AGPAT5: variants seen among roughly 807,000 people sequenced by gnomAD.
AGPAT5 encodes the protein 1-acyl-sn-glycerol-3-phosphate acyltransferase epsilon.
In AGPAT5, 46 loss-of-function variants were observed where a neutral mutation model predicts 45.6. The observed-to-expected ratio is 1.01, with a 90% CI of 0.80 to 1.29. The LOEUF is 1.29. AGPAT5 is among the 50% of genes most tolerant of loss of function. The pLI, the probability that AGPAT5 is intolerant of heterozygous loss-of-function variation, is 0.00. For missense variants in AGPAT5, 673 were observed against 450.7 expected (o/e 1.49, Z -4.47); for synonymous variants, 272 against 167.0 (o/e 1.63, Z -4.85).
rs938403947 is a variant in AGPAT5 at position 6,759,873 on chromosome 8, A to G, written c.*2485A>G. Among the ~76,000 whole-genome samples, 13 of 152,230 alleles carry G rather than the reference A, an allele frequency of 8.5e-5. No homozygotes were observed. The highest frequency in any genetic ancestry group is 3.1e-4 in the African/African-American group (13 of 41,462). On this transcript the variant is annotated 3_prime_UTR_variant, in exon 8 of 8. Transcript: ENST00000285518. ...AATTCATCTGCAATTTATAAGATGCATGGCCGATGTTAATTTGCTTGGCAA... is the reference window on the plus strand; with the variant it reads ...AATTCATCTGCAATTTATAAGATGCGTGGCCGATGTTAATTTGCTTGGCAA...
At chr8:6,714,787 A>G (rs1161676003) in intron 1 of AGPAT5, among the ~76,000 whole-genome samples, 6 of 152,218 alleles carry the variant, frequency 3.9e-5, no homozygotes, top group Non-Finnish European at 7.3e-5. Context: ...ATATACCTGC[A>G]TACCTATGGG....
chr8:6,714,845 G>A lies in AGPAT5; in HGVS notation c.219+5958G>A, dbSNP rs1017036279. Among the ~76,000 whole-genome samples, 7 of 152,196 alleles carry A rather than the reference G, an allele frequency of 4.6e-5. No individual in the cohort carries two copies. In the South Asian group the frequency reaches 8.3e-4, roughly 18 times the overall value. On this transcript the variant is annotated intron_variant, in intron 1 of 7. Coordinates refer to ENST00000285518, the MANE Select transcript of AGPAT5 (RefSeq NM_018361.5). ...GGAAGGCACGGGAAAACAGCACTCC[G>A]TATATACCTAGTTTACTTTCCCTCT...
chr8:6,747,666 C>G lies in AGPAT5; in HGVS notation c.587-4C>G. ...ATTAATGACGGCACTGAATTGACTT[C>G]TAGGCCTTGCAGTATTAAAACATGT... On this transcript the variant is annotated splice_polypyrimidine_tract_variant and splice_region_variant and intron_variant, in intron 5 of 7. Transcript: ENST00000285518. 6.2e-7 allele frequency: 1 copy of G among 1,610,594 alleles called. No homozygotes were observed. Among genetic ancestry groups the G allele is most frequent in the Non-Finnish European group, 8.5e-7 (1 of 1,177,474 alleles).
intron 2 of AGPAT5, 21 bp from the exon 3 acceptor site, chr8:6,730,689 TA>T: frequency 6.4e-7 from 1 of 1,566,486 alleles, no homozygotes; most frequent in Non-Finnish European, 8.8e-7. Flanking sequence ...ATGTACGCGC[TA>T]ACTGGGTCCT....
At chr8:6,742,751 A>ATATGACATCATTTGTGTATCATTTGTG (rs1801281586) in intron 5 of AGPAT5, among the ~76,000 whole-genome samples, 1 of 152,238 alleles carries the variant, frequency 6.6e-6, no homozygotes, top group Non-Finnish European at 1.5e-5. Flanking sequence ...TGTCATAGGT[A>ATATGACATCATTTGTGTATCATTTGTG]TATGACATCA....
intron 1 of AGPAT5, among the ~76,000 whole-genome samples, chr8:6,712,146 C>G (rs932099776): frequency 6.6e-6 from 1 of 152,090 alleles, no homozygotes; most frequent in Non-Finnish European, 1.5e-5. Flanking sequence ...GCATTTTGGT[C>G]TCTGCTTTCT....
At chr8:6,715,056 C>T (rs1286624122) in intron 1 of AGPAT5, among the ~76,000 whole-genome samples, 1 of 152,134 alleles carries the variant, frequency 6.6e-6, no homozygotes, top group Non-Finnish European at 1.5e-5. Flanking sequence ...TCCCTTAATT[C>T]CTGCAATATT....
intron 1 of AGPAT5, among the ~76,000 whole-genome samples, chr8:6,721,568 C>G (rs999564576): frequency 1.3e-4 from 20 of 152,206 alleles, no homozygotes; most frequent in African/African-American, 4.6e-4. Flanking sequence ...ACTCATTTTA[C>G]AGGCAAAGAA....
intron 2 of AGPAT5, among the ~76,000 whole-genome samples, chr8:6,727,122 G>A (rs1045173568): frequency 2.0e-5 from 3 of 152,164 alleles, no homozygotes; most frequent in African/African-American, 7.2e-5. Context: ...TTAGCGGAAA[G>A]AATATTTCAA....
At chr8:6,731,813 A>G (rs1302321060) in intron 3 of AGPAT5, among the ~76,000 whole-genome samples, 1 of 151,872 alleles carries the variant, frequency 6.6e-6, no homozygotes, top group African/African-American at 2.4e-5. Context: ...GACATCCAAG[A>G]TCAAGGTGTT....
intron 3 of AGPAT5, among the ~76,000 whole-genome samples, chr8:6,731,878 C>A (rs1254885442): frequency 1.3e-5 from 2 of 152,220 alleles, no homozygotes. Context: ...CAGCATCCTT[C>A]TTCCTGTGTC....
chr8:6,739,665 G>T (rs1020642683), intron 4 of AGPAT5, among the ~76,000 whole-genome samples: 3 of 151,950 alleles, frequency 2.0e-5, no homozygotes, highest in African/African-American at 7.2e-5. Flanking sequence ...TATTCCTTAG[G>T]ATTTCCTACA....
intron 1 of AGPAT5, among the ~76,000 whole-genome samples, chr8:6,712,902 A>T (rs1027175100): frequency 1.3e-5 from 2 of 152,180 alleles, no homozygotes; most frequent in African/African-American, 2.4e-5. Flanking sequence ...CTTCTTTTTT[A>T]AAAAATTTCT....
intron 1 of AGPAT5, among the ~76,000 whole-genome samples, chr8:6,712,177 C>T (rs535036616): frequency 1.3e-5 from 2 of 152,270 alleles, no homozygotes; most frequent in East Asian, 3.9e-4. Context: ...ACCTGGTTTT[C>T]TGTAATAAGT....
At position 6,733,604 on chromosome 8, in the gene AGPAT5, G is replaced by A. The variant is rs865842704; in HGVS notation, c.495+954G>A. The stretch of plus-strand genomic sequence containing the variant: ...GAGAACCAAGCTTGGTGTCTTCAAA[G>A]GGTCTGTTTAGTCTGAAACAGTGTG... On this transcript the variant is annotated intron_variant, in intron 4 of 7. Transcript: ENST00000285518. Among the ~76,000 whole-genome samples, 61 of 152,330 alleles carry A rather than the reference G, an allele frequency of 4.0e-4. No homozygotes were observed. In the Middle Eastern group the frequency reaches 0.01, roughly 25 times the overall value.
rs141288167 is a variant in AGPAT5 at position 6,755,138 on chromosome 8, G to C, written c.833G>C (p.Arg278Thr). The change falls in exon 7 of 8, where the codon AGA (arginine) becomes ACA (threonine). Residue 278 changes from arginine to threonine, a missense_variant. Coordinates refer to ENST00000285518, the MANE Select transcript of AGPAT5 (RefSeq NM_018361.5). ...KDVPEEQEHM[R>T]RWLHERFEIK... is the part of the protein sequence containing the mutation. The stretch of plus-strand genomic sequence containing the variant: ...GTCCCAGAAGAACAAGAACATATGA[G>C]AAGATGGCTGCATGAACGTTTCGAA... 1 of 1,607,928 alleles carries C rather than the reference G, an allele frequency of 6.2e-7. No homozygotes were observed. The highest frequency in any genetic ancestry group is 1.3e-5 in the African/African-American group (1 of 74,680).
chr8:6,751,078 A>G (rs368544432), intron 6 of AGPAT5, among the ~76,000 whole-genome samples: 4 of 151,966 alleles, frequency 2.6e-5, no homozygotes, highest in African/African-American at 4.8e-5. Flanking sequence ...CCTGCTTTCA[A>G]TTGTTTATAT....
Position 6,708,740 on chromosome 8 carries a change from G to T in AGPAT5, c.72G>T (p.Thr24=). 6.2e-7 allele frequency: 1 copy of T among 1,607,672 alleles called. No individual in the cohort carries two copies. The highest frequency in any genetic ancestry group is 8.5e-7 in the Non-Finnish European group (1 of 1,179,638). Residue 24 remains threonine, a synonymous_variant, in exon 1 of 8, where the codon ACG becomes ACT. Coordinates refer to ENST00000285518, the MANE Select transcript of AGPAT5 (RefSeq NM_018361.5). ...YLLPSVVLLG[T]APTYVLAWGV... ...TGCCCAGCGTCGTGCTCCTGGGCAC[G>T]GCGCCCACCTACGTGTTGGCCTGGG...
At chr8:6,711,210 T>A (rs1394030728) in intron 1 of AGPAT5, among the ~76,000 whole-genome samples, 1 of 152,236 alleles carries the variant, frequency 6.6e-6, no homozygotes, top group African/African-American at 2.4e-5. Flanking sequence ...TGAAGAGAAG[T>A]AGTAGTAGGT....
Sources: gnomAD v4.1 joint callset for allele counts (sites outside exome capture counted in the v4.1 genomes callset) on GRCh38, gnomAD v4.1.1 for gene constraint, MANE v1.5 for transcripts, NCBI Gene and HGNC (gene_info 2026-07-23, HGNC 2026-07-21) for gene names.